Variants in ADAM23 observed in about 807,000 individuals in gnomAD.
ADAM23 encodes the protein ADAM metallopeptidase domain 23.
In ADAM23, 33 loss-of-function variants were observed where a neutral mutation model predicts 120.1. The observed-to-expected ratio is 0.27, with a 90% confidence interval of 0.21 to 0.37. The LOEUF (loss-of-function observed/expected upper bound fraction) is 0.37, where lower values mean the gene tolerates loss of function less well. Ranked by LOEUF, ADAM23 falls within the 10% of genes least tolerant of loss-of-function variation. The pLI is 1.00. For synonymous variants in ADAM23, 367 were observed against 375.2 expected (o/e 0.98, Z 0.25); for missense variants, 862 against 1,058.2 (o/e 0.81, Z 2.57).
chr2:206,477,720 T>C (rs180849436), intron 2 of ADAM23, among the ~76,000 whole-genome samples: 92 of 151,984 alleles, frequency 6.1e-4, no homozygotes, highest in African/African-American at 2.2e-3. Flanking sequence ...AGGTAGTCTT[T>C]GTATTTTTAA....
At chr2:206,606,815 A>G (rs1031091096) in intron 24 of ADAM23, 7 of 152,198 alleles carry the variant, frequency 4.6e-5, no homozygotes, top group Non-Finnish European at 1.0e-4. Flanking sequence ...AATGGCAGAC[A>G]TAACCCTTTA....
At chr2:206,568,983 C>T (rs1016060579) in intron 15 of ADAM23, among the ~76,000 whole-genome samples, 4 of 152,112 alleles carry the variant, frequency 2.6e-5, no homozygotes, top group Admixed American at 2.6e-4. Context: ...GACCTTGCGT[C>T]GTGAAAGTCA....
intron 25 of ADAM23, among the ~76,000 whole-genome samples, chr2:206,616,460 A>G (rs1574569166): frequency 6.6e-6 from 1 of 152,356 alleles, no homozygotes; most frequent in South Asian, 2.1e-4. Context: ...AGTTTTCTTT[A>G]AAGACTTTTA....
At chr2:206,571,484 A>C (rs547360663) in intron 16 of ADAM23, among the ~76,000 whole-genome samples, 1 of 152,292 alleles carries the variant, frequency 6.6e-6, no homozygotes, top group African/African-American at 2.4e-5. Context: ...CAAAAAAACA[A>C]AAAGGAAAAA....
intron 4 of ADAM23, among the ~76,000 whole-genome samples, chr2:206,537,636 CCTT>C (rs1697205102): frequency 6.6e-6 from 1 of 151,666 alleles, no homozygotes; most frequent in African/African-American, 2.4e-5. Flanking sequence ...ATCTATTTTC[CCTT>C]CTTTTTTACT....
chr2:206,477,030 G>T (rs1695789087), intron 2 of ADAM23, among the ~76,000 whole-genome samples: 1 of 151,966 alleles, frequency 6.6e-6, no homozygotes, highest in African/African-American at 2.4e-5. Context: ...TTTTCTTCTT[G>T]TTTTTATGTC....
intron 3 of ADAM23, among the ~76,000 whole-genome samples, chr2:206,497,634 T>A (rs1184392827): frequency 6.6e-6 from 1 of 152,022 alleles, no homozygotes; most frequent in Non-Finnish European, 1.5e-5. Flanking sequence ...TTCAACATAG[T>A]GTGGGAAGTT....
chr2:206,477,897 A>AAAAAATATATAT (rs374524658), intron 2 of ADAM23, among the ~76,000 whole-genome samples: 10 of 93,572 alleles, frequency 1.1e-4, no homozygotes, highest in Admixed American at 7.5e-4. Context: ...AAAAAAAAAA[A>AAAAAATATATAT]ATATATATAT....
At chr2:206,452,130 T>A (rs552172697) in intron 2 of ADAM23, among the ~76,000 whole-genome samples, 1 of 152,250 alleles carries the variant, frequency 6.6e-6, no homozygotes, top group African/African-American at 2.4e-5. Flanking sequence ...AAGATGTGGC[T>A]CCTCTTTAGA....
intron 9 of ADAM23, among the ~76,000 whole-genome samples, chr2:206,553,926 A>C (rs17212185): frequency 0.051 from 7,789 of 152,224 alleles, 294 homozygotes; most frequent in Middle Eastern, 0.12. Flanking sequence ...ACCAAATTCT[A>C]ATCTTATTTT....
At chr2:206,605,761 T>TA (rs752837783) in intron 24 of ADAM23, 9 of 702,530 alleles carry the variant, frequency 1.3e-5, no homozygotes, top group South Asian at 4.4e-5. Flanking sequence ...TTTCCTTTGT[T>TA]AAAAAATCTC....
intron 18 of ADAM23, among the ~76,000 whole-genome samples, chr2:206,576,673 C>G (rs1042848126): frequency 3.3e-5 from 5 of 152,030 alleles, no homozygotes; most frequent in African/African-American, 1.2e-4. Context: ...TCAGTATTTA[C>G]AGGCAACATT....
At chr2:206,492,189 CAGATTAGAGG>C (rs1696147947) in intron 3 of ADAM23, among the ~76,000 whole-genome samples, 1 of 152,110 alleles carries the variant, frequency 6.6e-6, no homozygotes, top group Non-Finnish European at 1.5e-5. Flanking sequence ...GTACCTAACC[CAGATTAGAGG>C]TAGAAATGGA....
chr2:206,473,617 C>T (rs1319278060), intron 2 of ADAM23, among the ~76,000 whole-genome samples: 3 of 147,150 alleles, frequency 2.0e-5, no homozygotes, highest in African/African-American at 7.4e-5. Flanking sequence ...ACAACAACAA[C>T]AATAACGATT....
intron 3 of ADAM23, among the ~76,000 whole-genome samples, chr2:206,509,159 T>A (rs371399604): frequency 6.6e-6 from 1 of 152,346 alleles, no homozygotes; most frequent in African/African-American, 2.4e-5. Context: ...GCAGTTTTTT[T>A]GTAAAGAGAT....
intron 3 of ADAM23, among the ~76,000 whole-genome samples, chr2:206,490,950 C>A (rs1696120470): frequency 6.6e-6 from 1 of 152,134 alleles, no homozygotes; most frequent in East Asian, 1.9e-4. Context: ...TTAGTAGATT[C>A]TGGTTCTATT....
chr2:206,587,595 T>C (rs1258412436), intron 19 of ADAM23, among the ~76,000 whole-genome samples: 2 of 149,928 alleles, frequency 1.3e-5, no homozygotes, highest in Non-Finnish European at 3.0e-5. Flanking sequence ...AAAAAAAGAA[T>C]GTAATGGCTG....
intron 24 of ADAM23, among the ~76,000 whole-genome samples, chr2:206,605,635 C>T (rs1698714241): frequency 6.6e-6 from 1 of 152,160 alleles, no homozygotes; most frequent in Non-Finnish European, 1.5e-5. Flanking sequence ...CAAATATCTT[C>T]AATGTGTATG....
chr2:206,575,227 A>T (rs1422571223), intron 18 of ADAM23, among the ~76,000 whole-genome samples: 3 of 152,202 alleles, frequency 2.0e-5, no homozygotes, highest in Admixed American at 6.5e-5. Context: ...AGAATAGTAG[A>T]AACAAAAAGG....
Sources: allele counts gnomAD v4.1 joint callset (sites outside exome capture counted in the v4.1 genomes callset), GRCh38; gene constraint gnomAD v4.1.1; transcripts MANE v1.5; gene names NCBI Gene and HGNC (gene_info 2026-07-23, HGNC 2026-07-21).